Variants in RIT2 observed in about 807,000 individuals in gnomAD.
RIT2 encodes GTP-binding protein Rit2.
In RIT2, 24 loss-of-function variants were observed where a neutral mutation model predicts 23.7. That is an observed-to-expected ratio of 1.01 (90% CI 0.73 to 1.43). The LOEUF (loss-of-function observed/expected upper bound fraction) is 1.43. Ranked by LOEUF, RIT2 falls within the 40% of genes most tolerant of loss-of-function variation. RIT2 has a pLI of 0.00. For missense variants in RIT2, 236 were observed against 266.9 expected (o/e 0.88, Z 0.81); for synonymous variants, 107 against 91.1 (o/e 1.17, Z -0.99).
intron 1 of RIT2, among the ~76,000 whole-genome samples, chr18:43,100,463 T>C (rs1476049063): frequency 6.6e-6 from 1 of 152,148 alleles, no homozygotes; most frequent in African/African-American, 2.4e-5. Flanking sequence ...TGGTAGAGTT[T>C]AAAGCACAGT....
At chr18:43,051,846 T>C (rs1269589422) in intron 1 of RIT2, among the ~76,000 whole-genome samples, 1 of 152,158 alleles carries the variant, frequency 6.6e-6, no homozygotes, top group Non-Finnish European at 1.5e-5. Context: ...TAACTTGTTA[T>C]GGAGACCTCT....
intron 1 of RIT2, among the ~76,000 whole-genome samples, chr18:43,070,905 C>T (rs543758641): frequency 1.4e-4 from 22 of 152,302 alleles, no homozygotes; most frequent in African/African-American, 5.1e-4. Context: ...TTTCTGTATA[C>T]AGCCAGTTTT....
At chr18:43,040,392 T>G (rs1373629915) in intron 1 of RIT2, among the ~76,000 whole-genome samples, 1 of 152,198 alleles carries the variant, frequency 6.6e-6, no homozygotes, top group Non-Finnish European at 1.5e-5. Context: ...TTGGTGTCTT[T>G]GCTGCAATTA....
chr18:42,879,022 A>T (rs1441928846), intron 4 of RIT2, among the ~76,000 whole-genome samples: 1 of 152,080 alleles, frequency 6.6e-6, no homozygotes, highest in Admixed American at 6.6e-5. Flanking sequence ...CACTAATTCA[A>T]TATCAAAATC....
intron 2 of RIT2, among the ~76,000 whole-genome samples, chr18:42,995,901 C>T (rs1419568006): frequency 6.6e-6 from 1 of 152,192 alleles, no homozygotes; most frequent in Admixed American, 6.5e-5. Flanking sequence ...ATGCTCTGCT[C>T]TTGTTTACAC....
chr18:42,853,346 G>C (rs999642274), intron 4 of RIT2, among the ~76,000 whole-genome samples: 1 of 152,138 alleles, frequency 6.6e-6, no homozygotes, highest in Non-Finnish European at 1.5e-5. Context: ...TTTAAATTCT[G>C]ACTATGTACA....
At chr18:42,984,709 T>A (rs535384403) in intron 2 of RIT2, among the ~76,000 whole-genome samples, 1 of 152,192 alleles carries the variant, frequency 6.6e-6, no homozygotes, top group African/African-American at 2.4e-5. Context: ...AATATCAGTA[T>A]CCACTTATGT....
intron 3 of RIT2, among the ~76,000 whole-genome samples, chr18:42,952,472 T>C (rs74494210): frequency 0.052 from 7,969 of 152,158 alleles, 429 homozygotes; most frequent in East Asian, 0.25. Context: ...CTATAGTGAC[T>C]ATAGTTAGTG....
chr18:42,812,453 A>T (rs1050521592), intron 4 of RIT2, among the ~76,000 whole-genome samples: 2 of 152,184 alleles, frequency 1.3e-5, no homozygotes, highest in Non-Finnish European at 2.9e-5. Context: ...AAACTGGTTC[A>T]TATTGAATGA....
intron 1 of RIT2, among the ~76,000 whole-genome samples, chr18:43,055,294 C>T (rs1189728678): frequency 6.6e-6 from 1 of 152,084 alleles, no homozygotes; most frequent in African/African-American, 2.4e-5. Context: ...CCCATGGGGT[C>T]TCCTCCAGAG....
In RIT2 at chr18:43,112,486, T is replaced by G. The variant is rs569481827; in HGVS notation, c.103+2931A>C. 4.6e-5 allele frequency among the ~76,000 whole-genome samples: 7 copies of G among 152,360 alleles called. No individual in the cohort carries two copies. The South Asian group carries it at 1.4e-3, about 32-fold the overall frequency. ...TTTATTGATTACTTGTGGTTTAAAATTCCTCACATAAAGTACATTCATTAA... is the reference window on the plus strand; with the variant it reads ...TTTATTGATTACTTGTGGTTTAAAAGTCCTCACATAAAGTACATTCATTAA... On this transcript the variant is annotated intron_variant, in intron 1 of 4. Coordinates refer to ENST00000326695, the MANE Select transcript of RIT2 (RefSeq NM_002930.4).
At chr18:43,061,236 A>G (rs1204580692) in intron 1 of RIT2, among the ~76,000 whole-genome samples, 2 of 152,130 alleles carry the variant, frequency 1.3e-5, no homozygotes, top group African/African-American at 2.4e-5. Context: ...TTATTTTTTC[A>G]TAACATTGAT....
chr18:42,867,349 T>C (rs1321227526), intron 4 of RIT2, among the ~76,000 whole-genome samples: 1 of 152,142 alleles, frequency 6.6e-6, no homozygotes, highest in Admixed American at 6.6e-5. Context: ...TAAAAAGCTA[T>C]GTTTCTATCA....
At chr18:43,036,278 G>A (rs1357073727) in intron 1 of RIT2, among the ~76,000 whole-genome samples, 1 of 152,170 alleles carries the variant, frequency 6.6e-6, no homozygotes, top group African/African-American at 2.4e-5. Flanking sequence ...AGTGGCTCAC[G>A]CCTGTAATCC....
chr18:42,782,997 CA>C (rs1913846296), intron 4 of RIT2, among the ~76,000 whole-genome samples: 1 of 152,058 alleles, frequency 6.6e-6, no homozygotes, highest in South Asian at 2.1e-4. Flanking sequence ...TATACATGAG[CA>C]AACATATGCC....
chr18:42,934,126 C>T (rs761607529), intron 3 of RIT2, among the ~76,000 whole-genome samples: 1 of 151,470 alleles, frequency 6.6e-6, no homozygotes, highest in Admixed American at 6.6e-5. Flanking sequence ...GACTAATCTG[C>T]CTTGCATCCT....
intron 4 of RIT2, among the ~76,000 whole-genome samples, chr18:42,891,581 C>T (rs1908176552): frequency 6.6e-6 from 1 of 152,072 alleles, no homozygotes; most frequent in Admixed American, 6.6e-5. Flanking sequence ...AATGAGCTAT[C>T]AAGCCAGGGT....
At chr18:42,885,910 G>A (rs1405485668) in intron 4 of RIT2, among the ~76,000 whole-genome samples, 2 of 152,196 alleles carry the variant, frequency 1.3e-5, no homozygotes, top group Non-Finnish European at 2.9e-5. Flanking sequence ...AGCCATAGAA[G>A]TGTACTGATT....
At chr18:42,831,218 G>A (rs1414156400) in intron 4 of RIT2, among the ~76,000 whole-genome samples, 4 of 152,134 alleles carry the variant, frequency 2.6e-5, no homozygotes, top group African/African-American at 9.7e-5. Context: ...GGCAGGAATA[G>A]TTTCTCAAAT....
Sources: gnomAD v4.1 joint callset for allele counts (sites outside exome capture counted in the v4.1 genomes callset) on GRCh38, gnomAD v4.1.1 for gene constraint, MANE v1.5 for transcripts, NCBI Gene and HGNC (gene_info 2026-07-23, HGNC 2026-07-21) for gene names.